ZNF845: variants seen among roughly 807,000 people sequenced by gnomAD.
ZNF845 encodes zinc finger protein 845.
In ZNF845, 59 loss-of-function variants were observed where a neutral mutation model predicts 76.1. The observed-to-expected ratio is 0.78, with a 90% CI of 0.63 to 0.96. The LOEUF is 0.96. Ranked by LOEUF, ZNF845 falls within the 40% of genes least tolerant of loss-of-function variation. The pLI is 0.00. For synonymous variants in ZNF845, 361 were observed against 386.9 expected, an observed-to-expected ratio of 0.93 and a Z score of 0.78; for missense variants, 1,045 against 1,172.8, an observed-to-expected ratio of 0.89 and a Z score of 1.59.
At chr19:53,342,020 T>C (rs998697907) in intron 2 of ZNF845, among the ~76,000 whole-genome samples, 3 of 152,062 alleles carry the variant, frequency 2.0e-5, no homozygotes, top group African/African-American at 7.2e-5. Flanking sequence ...AAAATGGTTA[T>C]AATTTTTCTC....
chr19:53,345,084 G>A (rs761276511), intron 2 of ZNF845, among the ~76,000 whole-genome samples: 6 of 152,128 alleles, frequency 3.9e-5, no homozygotes, highest in African/African-American at 7.2e-5. Flanking sequence ...TTGCGAGGCC[G>A]AGGCAGGTGG....
chr19:53,342,649 C>G (rs2085264887), intron 2 of ZNF845, among the ~76,000 whole-genome samples: 1 of 151,892 alleles, frequency 6.6e-6, no homozygotes, highest in African/African-American at 2.4e-5. Flanking sequence ...CGTTACGAGA[C>G]TTTAGAAAAA....
chr19:53,353,345 T>TA lies in ZNF845; in HGVS notation c.2673dup (p.Cys892MetfsTer3). ...CTGGAGAGAAACCTTACAAGTGTAA[T>TA]AAATGTGGTAAGGTTTTTAATCAAC... On this transcript the variant is annotated frameshift_variant, in exon 4 of 4. Coordinates refer to ENST00000458035, the MANE Select transcript of ZNF845 (RefSeq NM_138374.3). LOFTEE classifies it high-confidence loss of function. 6.2e-7 allele frequency: 1 copy of TA among 1,612,420 alleles called. No homozygotes were observed. The highest frequency in any genetic ancestry group is 1.1e-5 in the South Asian group (1 of 90,996).
chr19:53,348,236 A>G (rs1483254958), intron 3 of ZNF845, among the ~76,000 whole-genome samples: 1 of 152,100 alleles, frequency 6.6e-6, no homozygotes, highest in Non-Finnish European at 1.5e-5. Context: ...CCACTACACT[A>G]CAGCCTGGGT....
rs2085330414 is a variant in ZNF845 at position 53,351,052 on chromosome 19, A to G, written c.377A>G (p.His126Arg). ...CAGTTGACGGGTAGTACAAACCGAC[A>G]TGATCAAAGGCATGCTGGAAACAAG... is the stretch of plus-strand genomic sequence containing the variant. ...IKQLTGSTNR[H>R]DQRHAGNKPI... is the part of the protein sequence containing the mutation. The change falls in exon 4 of 4, where the codon CAT becomes CGT. Residue 126 changes from histidine (H) to arginine (R), a missense_variant. Coordinates refer to ENST00000458035, the MANE Select transcript of ZNF845 (RefSeq NM_138374.3). 6.2e-6 allele frequency: 10 copies of G among 1,614,228 alleles called. No individual in the cohort carries two copies. In the East Asian group the frequency reaches 2.0e-4, roughly 32 times the overall value.
At chr19:53,342,124 T>A (rs1017825559) in intron 2 of ZNF845, among the ~76,000 whole-genome samples, 1 of 150,774 alleles carries the variant, frequency 6.6e-6, no homozygotes, top group African/African-American at 2.4e-5. Context: ...AATATTATTA[T>A]ATTTTAAATA....
In ZNF845 at chr19:53,354,266, G is replaced by C. The variant is rs1452171663; in HGVS notation, c.*678G>C. 1 of 456,814 alleles carries C rather than the reference G, an allele frequency of 2.2e-6. No individual in the cohort carries two copies. 28.3% of individuals were successfully genotyped at this position (456,814 alleles called of 1,614,324 possible). A position where few individuals can be genotyped will look rare whatever the true frequency, so the allele number is the denominator to read the frequency against. On this transcript the variant is annotated 3_prime_UTR_variant, in exon 4 of 4. Coordinates refer to ENST00000458035, the MANE Select transcript of ZNF845 (RefSeq NM_138374.3). ...GAGATGATTGTTCCAAATGCAATGAGTATAGCAAACCATCAAGCATTAATT... is the reference window on the plus strand; with the variant it reads ...GAGATGATTGTTCCAAATGCAATGACTATAGCAAACCATCAAGCATTAATT...
Position 53,351,406 on chromosome 19 carries a change from A to T in ZNF845, c.731A>T (p.Lys244Ile), listed in dbSNP as rs781553410. 1.8e-5 allele frequency: 29 copies of T among 1,614,078 alleles called. No homozygotes were observed. In the East Asian group the frequency reaches 6.5e-4, roughly 36 times the overall value. Residue 244 changes from lysine to isoleucine, a missense_variant, in exon 4 of 4, where the codon AAA (lysine) becomes ATA (isoleucine). Physicochemically the swap from Lys to Ile is moderately radical, Grantham distance 102 (BLOSUM62 -3). Transcript: ENST00000458035. ...QIIHLGAKQY[K>I]CDVCGKVFNQ... ...ATCCATTTAGGAGCGAAACAATATA[A>T]ATGTGATGTGTGTGGCAAGGTCTTT...
At position 53,343,139 on chromosome 19, in the gene ZNF845, A is replaced by G. The variant is rs2147035844; in HGVS notation, c.15+1817A>G. ...CAGCCCCCAATAGTTATTTTCTTCT[A>G]GTCCTCTCCTTCCTCCCCGCCTCCA... On this transcript the variant is annotated intron_variant, in intron 2 of 3. Transcript: ENST00000458035. Among the ~76,000 whole-genome samples, 3 of 152,138 alleles carry G rather than the reference A, an allele frequency of 2.0e-5. No homozygotes were observed. In the Middle Eastern group the frequency reaches 0.01, roughly 517 times the overall value.
chr19:53,356,759 C>A lies in ZNF845; in HGVS notation c.*3171C>A, dbSNP rs889565914. 6.6e-6 allele frequency: 1 copy of A among 151,750 alleles called. No homozygotes were observed. The highest frequency in any genetic ancestry group is 1.5e-5 in the Non-Finnish European group (1 of 67,982). 9.4% of individuals were successfully genotyped at this position (151,750 alleles called of 1,614,324 possible). A position where few individuals can be genotyped will look rare whatever the true frequency, so the allele number is the denominator to read the frequency against. On this transcript the variant is annotated 3_prime_UTR_variant, in exon 4 of 4. Coordinates refer to ENST00000458035, the MANE Select transcript of ZNF845 (RefSeq NM_138374.3). Reference sequence around the variant, plus strand: ...CCTGGCTAACACGGTGAAACCCCGTCTCTACTAAAAATACAAAAAATTAGC... The same window carrying A: ...CCTGGCTAACACGGTGAAACCCCGTATCTACTAAAAATACAAAAAATTAGC...
intron 2 of ZNF845, 82 bp from the exon 3 acceptor site, chr19:53,345,424 C>G (rs2081722886): frequency 6.2e-7 from 1 of 1,606,512 alleles, no homozygotes; most frequent in African/African-American, 1.3e-5. Flanking sequence ...TAAATCCATG[C>G]TTTCCTCTCT....
At position 53,352,647 on chromosome 19, in the gene ZNF845, A is replaced by C. The variant is rs1172132599; in HGVS notation, c.1972A>C (p.Thr658Pro). The change falls in exon 4 of 4, where the codon ACT (threonine) becomes CCT (proline). Residue 658 changes from threonine to proline, a missense_variant. Coordinates refer to ENST00000458035, the MANE Select transcript of ZNF845 (RefSeq NM_138374.3). ...SNLQRHRRIH[T>P]GEKPYRCNEC... ...CCTTCAAAGACATAGGAGAATTCAT[A>C]CTGGAGAGAAACCTTACAGGTGTAA... 2.5e-6 allele frequency: 4 copies of C among 1,613,718 alleles called. No individual in the cohort carries two copies. In the African/African-American group the frequency reaches 5.3e-5, roughly 22 times the overall value.
Position 53,350,906 on chromosome 19 carries a change from T to C in ZNF845, c.231T>C (p.His77=), listed in dbSNP as rs1352941694. The change falls in exon 4 of 4, where the codon CAT becomes CAC. Residue 77 remains histidine, a synonymous_variant. Transcript: ENST00000458035. ...TCCACACAGGGACATTGCAAAGACA[T>C]GAACGTCATCACATTGGAGATTTTT... ...EVIHTGTLQR[H]ERHHIGDFCF... 1 of 1,614,182 alleles carries C rather than the reference T, an allele frequency of 6.2e-7. No individual in the cohort carries two copies. The highest frequency in any genetic ancestry group is 8.5e-7 in the Non-Finnish European group (1 of 1,180,034).
At position 53,352,599 on chromosome 19, in the gene ZNF845, G is replaced by A; in HGVS notation, c.1924G>A (p.Glu642Lys). 1 of 1,612,208 alleles carries A rather than the reference G, an allele frequency of 6.2e-7. No individual in the cohort carries two copies. The highest frequency in any genetic ancestry group is 1.1e-5 in the South Asian group (1 of 90,932). The change falls in exon 4 of 4, where the codon GAA becomes AAA. Residue 642 changes from glutamate (E) to lysine (K), a missense_variant. Coordinates refer to ENST00000458035, the MANE Select transcript of ZNF845 (RefSeq NM_138374.3). ...EKPYKCEECD[E>K]AFSFKSNLQR... The stretch of plus-strand genomic sequence containing the variant: ...ACCTTACAAATGTGAAGAATGTGAT[G>A]AAGCTTTCAGTTTCAAATCAAACCT...
chr19:53,349,067 C>G (rs150534377), intron 3 of ZNF845, among the ~76,000 whole-genome samples: 10,628 of 151,796 alleles, frequency 0.07, 523 homozygotes, highest in Admixed American at 0.18. Flanking sequence ...ACCATATTGG[C>G]CAGGCTGCTC....
At chr19:53,335,264 A>C (rs1452898034) in intron 1 of ZNF845, among the ~76,000 whole-genome samples, 4 of 152,078 alleles carry the variant, frequency 2.6e-5, no homozygotes, top group South Asian at 4.2e-4. Flanking sequence ...AATTTAATTA[A>C]TTAATTTATA....
intron 2 of ZNF845, among the ~76,000 whole-genome samples, chr19:53,343,007 CAG>C (rs1225707581): frequency 3.9e-5 from 6 of 152,032 alleles, no homozygotes; most frequent in African/African-American, 1.5e-4. Context: ...TTACTAGAGA[CAG>C]GGTTTCACCA....
chr19:53,350,877 G>A lies in ZNF845; in HGVS notation c.202G>A (p.Val68Met), dbSNP rs771896690. ...ATCAACAGCACAAGGCAATACAGAA[G>A]TGATCCACACAGGGACATTGCAAAG... is the stretch of plus-strand genomic sequence containing the variant. ...FSSTAQGNTE[V>M]IHTGTLQRHE... The change falls in exon 4 of 4, where the codon GTG (valine) becomes ATG (methionine). Residue 68 changes from valine (V) to methionine (M), a missense_variant. Coordinates refer to ENST00000458035, the MANE Select transcript of ZNF845 (RefSeq NM_138374.3). 1.2e-6 allele frequency: 2 copies of A among 1,614,132 alleles called. No homozygotes were observed. The highest frequency in any genetic ancestry group is 1.7e-6 in the Non-Finnish European group (2 of 1,180,036).
At position 53,354,475 on chromosome 19, in the gene ZNF845, A is replaced by G. The variant is rs1171119952; in HGVS notation, c.*887A>G. ...CACTTGAGGTCAGGAGTTTGAGACC[A>G]GACTGGCCAACAGACATGAGTCACT... On this transcript the variant is annotated 3_prime_UTR_variant, in exon 4 of 4. Transcript: ENST00000458035. 1 of 172,578 alleles carries G rather than the reference A, an allele frequency of 5.8e-6. No homozygotes were observed. Among genetic ancestry groups the G allele is most frequent in the Non-Finnish European group, 1.2e-5 (1 of 80,196 alleles). 10.7% of individuals were successfully genotyped at this position (172,578 alleles called of 1,614,324 possible). A position where few individuals can be genotyped will look rare whatever the true frequency, so the allele number is the denominator to read the frequency against.
Sources: gnomAD v4.1 joint callset for allele counts (sites outside exome capture counted in the v4.1 genomes callset) on GRCh38, gnomAD v4.1.1 for gene constraint, MANE v1.5 for transcripts, NCBI Gene and HGNC (gene_info 2026-07-23, HGNC 2026-07-21) for gene names.